Variants in ADGRL3 observed in about 807,000 individuals in gnomAD.
ADGRL3 encodes adhesion G protein-coupled receptor L3.
ADGRL3 carries 62 observed loss-of-function variants against 153.5 expected under a neutral mutation model. The ratio of observed to expected loss-of-function variants is 0.40; its 90% CI spans 0.33 to 0.50. ADGRL3 has a LOEUF of 0.50. Among genes scored for constraint, ADGRL3 ranks in the 20% least tolerant of loss-of-function variants. The probability of loss-of-function intolerance (pLI) is 0.47; values close to 1 mark genes in which losing one functional copy is unlikely to be tolerated. For synonymous variants in ADGRL3, 710 were observed against 672.5 expected, an observed-to-expected ratio of 1.06 and a Z score of -0.86; for missense variants, 1,641 against 1,859.4, an observed-to-expected ratio of 0.88 and a Z score of 2.16.
At chr4:61,372,603 C>A (rs766297533) in intron 1 of ADGRL3, among the ~76,000 whole-genome samples, 1 of 152,150 alleles carries the variant, frequency 6.6e-6, no homozygotes, top group African/African-American at 2.4e-5. Flanking sequence ...TCTCCAGCTG[C>A]GTGCTGGGAG....
chr4:61,724,019 T>C (rs1395530693), intron 6 of ADGRL3, among the ~76,000 whole-genome samples: 1 of 152,308 alleles, frequency 6.6e-6, no homozygotes, highest in African/African-American at 2.4e-5. Flanking sequence ...TATTTGTCTC[T>C]ATTCACATCT....
chr4:61,755,303 T>A (rs1330872671), intron 8 of ADGRL3, among the ~76,000 whole-genome samples: 4 of 151,782 alleles, frequency 2.6e-5, no homozygotes, highest in Non-Finnish European at 5.9e-5. Flanking sequence ...TTTTTAATGA[T>A]CACCATTCTA....
chr4:61,453,844 A>G (rs2097703720), intron 2 of ADGRL3, among the ~76,000 whole-genome samples: 2 of 152,090 alleles, frequency 1.3e-5, no homozygotes, highest in African/African-American at 4.8e-5. Flanking sequence ...AGCTTCTTTA[A>G]TTAATTTTAG....
chr4:61,826,599 G>A (rs1357617223), intron 9 of ADGRL3, among the ~76,000 whole-genome samples: 2 of 152,162 alleles, frequency 1.3e-5, no homozygotes, highest in Non-Finnish European at 2.9e-5. Context: ...CGTGAAGGAA[G>A]TTATGGTCTT....
At chr4:61,751,686 T>A (rs1051222186) in intron 8 of ADGRL3, among the ~76,000 whole-genome samples, 5 of 152,304 alleles carry the variant, frequency 3.3e-5, no homozygotes, top group Admixed American at 3.3e-4. Context: ...TCTGAACAAT[T>A]TGAAAGACTA....
intron 9 of ADGRL3, among the ~76,000 whole-genome samples, chr4:61,872,973 T>C (rs2098454543): frequency 6.6e-6 from 1 of 152,324 alleles, no homozygotes. Flanking sequence ...AAATGCACTG[T>C]AGTGCCGTAT....
chr4:62,012,477 T>A (rs2099191233), intron 21 of ADGRL3, among the ~76,000 whole-genome samples: 1 of 152,178 alleles, frequency 6.6e-6, no homozygotes, highest in Non-Finnish European at 1.5e-5. Context: ...TTCTGAGAGG[T>A]TAATTAACTC....
intron 8 of ADGRL3, among the ~76,000 whole-genome samples, chr4:61,764,200 G>A (rs2343580): frequency 0.49 from 74,998 of 152,022 alleles, 19,328 homozygotes; most frequent in East Asian, 0.71. Context: ...TATACATTAC[G>A]TATACATATA....
chr4:61,207,666 C>G (rs917719790), intron 1 of ADGRL3, among the ~76,000 whole-genome samples: 1 of 152,200 alleles, frequency 6.6e-6, no homozygotes, highest in Non-Finnish European at 1.5e-5. Flanking sequence ...CTCCTACCAA[C>G]AGTGTAAAAG....
intron 21 of ADGRL3, among the ~76,000 whole-genome samples, chr4:62,018,212 C>A (rs2099222213): frequency 6.6e-6 from 1 of 152,132 alleles, no homozygotes; most frequent in Non-Finnish European, 1.5e-5. Flanking sequence ...GCTTCCTTGG[C>A]TCCCTGTGAT....
In ADGRL3 at chr4:61,508,778, C is replaced by T. The variant is rs562974911; in HGVS notation, c.56-8537C>T. ...TTATCGTTCTCATCTTGTATTAGTC[C>T]GTTTTCATGCTGCTGATAAAGACAT... On this transcript the variant is annotated intron_variant, in intron 3 of 26. Transcript: ENST00000683033. Among the ~76,000 whole-genome samples the T allele has an allele frequency of 7.2e-5, 11 of 152,114 alleles. No individual in the cohort carries two copies. In the East Asian group the frequency reaches 1.6e-3, roughly 21 times the overall value.
intron 8 of ADGRL3, among the ~76,000 whole-genome samples, chr4:61,749,040 G>A (rs1024415761): frequency 6.7e-4 from 101 of 151,596 alleles, no homozygotes; most frequent in Non-Finnish European, 1.0e-3. Context: ...CCATCAAAAA[G>A]TGGGCAAAGG....
chr4:61,534,123 A>G (rs146638526), intron 4 of ADGRL3, among the ~76,000 whole-genome samples: 9 of 152,056 alleles, frequency 5.9e-5, no homozygotes, highest in African/African-American at 2.2e-4. Flanking sequence ...ATTTTTCTAT[A>G]TGGTTGAGAG....
At position 61,974,741 on chromosome 4, in the gene ADGRL3, T is replaced by G. The variant is rs151055742; in HGVS notation, c.2806-4822T>G. ...AAGAATTAATTACTCAAGATTCCTC[T>G]TATTTACATCTGTACTTTTGTCTTC... On this transcript the variant is annotated intron_variant, in intron 17 of 26. Coordinates refer to ENST00000683033, the MANE Select transcript of ADGRL3 (RefSeq NM_001387552.1). Among the ~76,000 whole-genome samples, 250 of 152,338 alleles carry G rather than the reference T, an allele frequency of 1.6e-3. 3 individuals carry two copies. In the East Asian group the frequency reaches 0.042, roughly 25 times the overall value.
intron 11 of ADGRL3, among the ~76,000 whole-genome samples, chr4:61,907,788 T>C (rs1398439489): frequency 6.6e-6 from 1 of 152,192 alleles, no homozygotes; most frequent in African/African-American, 2.4e-5. Flanking sequence ...GAAATGCCTT[T>C]GTTCTCTAGA....
chr4:61,205,980 T>C (rs567512179), intron 1 of ADGRL3, among the ~76,000 whole-genome samples: 1 of 152,222 alleles, frequency 6.6e-6, no homozygotes, highest in Non-Finnish European at 1.5e-5. Flanking sequence ...TTCTTAGAAT[T>C]GTGACATGTG....
chr4:61,407,637 C>T (rs184452730), intron 2 of ADGRL3, among the ~76,000 whole-genome samples: 2 of 152,230 alleles, frequency 1.3e-5, no homozygotes, highest in Non-Finnish European at 2.9e-5. Context: ...GATTCTCTGT[C>T]ATCATTGAAG....
chr4:62,010,722 G>A (rs1313510969), intron 21 of ADGRL3, among the ~76,000 whole-genome samples: 1 of 151,814 alleles, frequency 6.6e-6, no homozygotes, highest in African/African-American at 2.4e-5. Context: ...TTTAATTATT[G>A]TAATTTATCT....
chr4:61,927,609 T>C (rs2098799938), intron 13 of ADGRL3, among the ~76,000 whole-genome samples: 1 of 152,152 alleles, frequency 6.6e-6, no homozygotes, highest in Non-Finnish European at 1.5e-5. Flanking sequence ...CTTAGGTTTA[T>C]TGATCAGATG....
Sources: allele counts gnomAD v4.1 joint callset (sites outside exome capture counted in the v4.1 genomes callset), GRCh38; gene constraint gnomAD v4.1.1; transcripts MANE v1.5; gene names NCBI Gene and HGNC (gene_info 2026-07-23, HGNC 2026-07-21).